RSPH10B2: variants seen among roughly 807,000 people sequenced by gnomAD.
RSPH10B2 encodes radial spoke head 10 homolog B2 (Chlamydomonas).
A neutral mutation model predicts 49.0 loss-of-function variants in RSPH10B2; 9 were observed. The ratio of observed to expected loss-of-function variants is 0.18; its 90% CI spans 0.11 to 0.32. The LOEUF is 0.32. Among genes scored for constraint, RSPH10B2 ranks in the 10% least tolerant of loss-of-function variants. RSPH10B2 has a pLI of 1.00. For synonymous variants in RSPH10B2, 35 were observed against 210.2 expected (o/e 0.17, Z 7.21); for missense variants, 95 against 589.9 (o/e 0.16, Z 8.69).
chr7:6,776,689 A>T (rs1781748105), intron 10 of RSPH10B2, 143 bp downstream of exon 12: 1 of 47,454 alleles, frequency 2.1e-5, no homozygotes, highest in Non-Finnish European at 3.9e-5. Context: ...AGCCTGACCA[A>T]CATGGTGAAA....
exon 1 of RSPH10B2, chr7:6,757,912 A>T: frequency 6.3e-7 from 1 of 1,590,116 alleles, no homozygotes; most frequent in South Asian, 1.1e-5. Flanking sequence ...GTCCATTCTG[A>T]CCAAACTCAT....
intron 13 of RSPH10B2, among the ~76,000 whole-genome samples, chr7:6,783,205 A>G (rs574348566): frequency 1.8e-5 from 2 of 112,672 alleles, no homozygotes; most frequent in African/African-American, 7.7e-5. Context: ...TAATTTTTGT[A>G]TTTTTTAGTA....
chr7:6,764,662 C>T (rs1180020345), intron 4 of RSPH10B2, among the ~76,000 whole-genome samples: 2 of 151,614 alleles, frequency 1.3e-5, no homozygotes, highest in Non-Finnish European at 1.5e-5. Flanking sequence ...TGTGCCTGGC[C>T]GTATGCATGC....
intron 13 of RSPH10B2, among the ~76,000 whole-genome samples, chr7:6,783,848 A>G (rs1278584329): frequency 1.6e-4 from 23 of 143,584 alleles, no homozygotes; most frequent in Admixed American, 3.6e-4. Flanking sequence ...AATTATTATT[A>G]TTATTATTTT....
chr7:6,782,732 A>C (rs1781989491), intron 13 of RSPH10B2, among the ~76,000 whole-genome samples: 1 of 117,548 alleles, frequency 8.5e-6, no homozygotes, highest in South Asian at 3.8e-4. Flanking sequence ...AATACAAAAA[A>C]ATTAGCCAGG....
intron 18 of RSPH10B2, among the ~76,000 whole-genome samples, chr7:6,797,721 G>A (rs1583542350): frequency 2.0e-5 from 3 of 151,228 alleles, no homozygotes; most frequent in East Asian, 3.9e-4. Flanking sequence ...CAGATGTGGT[G>A]GCAGGCGCCT....
intron 13 of RSPH10B2, among the ~76,000 whole-genome samples, chr7:6,785,662 T>TA (rs1434623466): frequency 1.3e-5 from 2 of 151,784 alleles, no homozygotes; most frequent in African/African-American, 4.8e-5. Context: ...CCATCTCTAC[T>TA]AAAAATACAA....
At chr7:6,781,454 G>A in exon 13 of RSPH10B2, 1 of 1,271,928 alleles carries the variant, frequency 7.9e-7, no homozygotes, top group Non-Finnish European at 1.0e-6. Flanking sequence ...ATGAAGATGA[G>A]ACACTTCCTC....
At chr7:6,783,742 G>A (rs1236049652) in intron 13 of RSPH10B2, among the ~76,000 whole-genome samples, 1 of 151,456 alleles carries the variant, frequency 6.6e-6, no homozygotes, top group Non-Finnish European at 1.5e-5. Flanking sequence ...TGAAGTGCTG[G>A]GATTACAGGC....
At chr7:6,764,741 T>C (rs1390285169) in intron 4 of RSPH10B2, among the ~76,000 whole-genome samples, 11 of 150,140 alleles carry the variant, frequency 7.3e-5, no homozygotes, top group Non-Finnish European at 1.3e-4. Flanking sequence ...TGTGTGTGTT[T>C]TACAGCAGAT....
chr7:6,774,760 T>TTG (rs1554255139), intron 9 of RSPH10B2, among the ~76,000 whole-genome samples: 1 of 145,178 alleles, frequency 6.9e-6, no homozygotes, highest in African/African-American at 2.6e-5. Flanking sequence ...TTTTTGTTTT[T>TTG]TTTTTTTTCT....
At chr7:6,780,238 T>C (rs1781882302) in intron 11 of RSPH10B2, among the ~76,000 whole-genome samples, 1 of 121,154 alleles carries the variant, frequency 8.3e-6, no homozygotes, top group African/African-American at 3.0e-5. Flanking sequence ...GCCCTTCATA[T>C]CTGGTCAGTT....
At chr7:6,756,085 G>T (rs966721303), upstream of RSPH10B2, among the ~76,000 whole-genome samples, 1 of 150,494 alleles carries the variant, frequency 6.6e-6, no homozygotes, top group Non-Finnish European at 1.5e-5. Context: ...TGGCTAACCC[G>T]GTGAAACCCC....
chr7:6,763,388 G>A (rs1486730783), intron 3 of RSPH10B2, among the ~76,000 whole-genome samples: 6 of 106,702 alleles, frequency 5.6e-5, no homozygotes, highest in South Asian at 4.9e-4. Context: ...GCAGTGAGCC[G>A]AGATGGCGCC....
upstream of RSPH10B2, chr7:6,753,195 A>G (rs1780949503): frequency 4.4e-6 from 1 of 229,308 alleles, no homozygotes; most frequent in Non-Finnish European, 8.6e-6. Context: ...ACCACTAGTC[A>G]AGGATTGCAA....
chr7:6,782,136 C>A (rs1478176550), intron 13 of RSPH10B2, among the ~76,000 whole-genome samples: 2 of 121,512 alleles, frequency 1.6e-5, no homozygotes, highest in African/African-American at 3.2e-5. Context: ...CTGGTCTTGA[C>A]CTCCCAACCC....
intron 13 of RSPH10B2, among the ~76,000 whole-genome samples, chr7:6,781,921 T>G (rs1781952236): frequency 9.2e-6 from 1 of 108,474 alleles, no homozygotes; most frequent in Non-Finnish European, 1.8e-5. Flanking sequence ...TTTTTTAATT[T>G]TATTTTTTTG....
intron 16 of RSPH10B2, among the ~76,000 whole-genome samples, chr7:6,791,427 T>C (rs1308475653): frequency 1.3e-4 from 19 of 149,892 alleles, no homozygotes; most frequent in African/African-American, 4.4e-4. Flanking sequence ...TCATTAATAA[T>C]ATAAATATTT....
Position 6,766,922 on chromosome 7 carries a change from C to G in RSPH10B2, c.780+45C>G, listed in dbSNP as rs778591656. ...CAGCTTATACCCAGAGGCGGATGCT[C>G]CGCCGATTCTCAACACATGTATATT... On this transcript the variant is annotated intron_variant, in intron 6 of 18. Coordinates refer to ENST00000297186, the Ensembl canonical transcript of RSPH10B2. 1.4e-4 allele frequency: 140 copies of G among 1,007,188 alleles called. 24 individuals carry two copies. The highest frequency in any genetic ancestry group is 4.1e-4 in the Middle Eastern group (1 of 2,464). 62.4% of individuals were successfully genotyped at this position (1,007,188 alleles called of 1,614,324 possible). A position where few individuals can be genotyped will look rare whatever the true frequency, so the allele number is the denominator to read the frequency against.
Sources: gnomAD v4.1 joint callset for allele counts (sites outside exome capture counted in the v4.1 genomes callset) on GRCh38, gnomAD v4.1.1 for gene constraint, MANE v1.5 for transcripts, NCBI Gene and HGNC (gene_info 2026-07-23, HGNC 2026-07-21) for gene names.